Variants in VWA8 observed in about 807,000 individuals in gnomAD.
The protein encoded by VWA8 is von Willebrand factor A domain-containing protein 8.
In VWA8, 221 loss-of-function variants were observed where a neutral mutation model predicts 241.5. The observed-to-expected ratio is 0.91, with a 90% CI of 0.82 to 1.02. The LOEUF is 1.02. Among genes scored for constraint, VWA8 ranks in the 50% least tolerant of loss-of-function variants. VWA8 has a pLI of 0.00. For missense variants in VWA8, 2,322 were observed against 2,328.7 expected (o/e 1.00, Z 0.06); for synonymous variants, 852 against 827.1 (o/e 1.03, Z -0.52).
chr13:41,700,382 C>T (rs1278367509), intron 28 of VWA8, among the ~76,000 whole-genome samples: 1 of 151,842 alleles, frequency 6.6e-6, no homozygotes, highest in Non-Finnish European at 1.5e-5. Context: ...AACAGAAGGA[C>T]TGAAAAAGAC....
chr13:41,804,503 G>GA (rs569927907), intron 17 of VWA8, among the ~76,000 whole-genome samples: 12 of 146,810 alleles, frequency 8.2e-5, no homozygotes, highest in East Asian at 3.9e-4. Context: ...TCCTACAAGG[G>GA]AAAAAAAAAG....
At chr13:41,816,639 A>G (rs1476113081) in intron 16 of VWA8, 59 bp downstream of exon 16, 20 of 1,508,006 alleles carry the variant, frequency 1.3e-5, no homozygotes, top group Non-Finnish European at 1.7e-5. Context: ...GAATTCTAAG[A>G]AAAGAAAACC....
intron 34 of VWA8, 66 bp from the exon 35 acceptor site, chr13:41,685,308 C>T (rs922675114): frequency 3.0e-5 from 44 of 1,451,746 alleles, no homozygotes; most frequent in East Asian, 4.6e-5. Context: ...ACCTTAACAA[C>T]GCAGCCCTTT....
At chr13:41,818,409 T>C (rs1870796524) in intron 15 of VWA8, among the ~76,000 whole-genome samples, 1 of 151,436 alleles carries the variant, frequency 6.6e-6, no homozygotes, top group Non-Finnish European at 1.5e-5. Flanking sequence ...CCGTCTCTAC[T>C]AAAAATAGAA....
At chr13:41,586,336 C>A (rs1189246975) in intron 42 of VWA8, among the ~76,000 whole-genome samples, 1 of 152,140 alleles carries the variant, frequency 6.6e-6, no homozygotes, top group African/African-American at 2.4e-5. Context: ...TTAAGCAGCT[C>A]CATGGCTTTC....
chr13:41,799,414 G>C (rs1009305814), intron 17 of VWA8, among the ~76,000 whole-genome samples: 2 of 152,258 alleles, frequency 1.3e-5, no homozygotes, highest in Non-Finnish European at 2.9e-5. Context: ...ACCTGCACCT[G>C]AGCAATGTGG....
At chr13:41,958,664 T>A (rs1593898059) in intron 1 of VWA8, among the ~76,000 whole-genome samples, 1 of 152,306 alleles carries the variant, frequency 6.6e-6, no homozygotes, top group Non-Finnish European at 1.5e-5. Flanking sequence ...TGCTGTCCAT[T>A]TACCTGGCTC....
chr13:41,689,917 C>A (rs1387724436), intron 33 of VWA8, among the ~76,000 whole-genome samples: 1 of 151,900 alleles, frequency 6.6e-6, no homozygotes, highest in Non-Finnish European at 1.5e-5. Context: ...AGACTTGCAA[C>A]CTAAATGTAT....
chr13:41,839,077 C>T (rs1212811278), intron 12 of VWA8, among the ~76,000 whole-genome samples: 1 of 152,190 alleles, frequency 6.6e-6, no homozygotes, highest in Non-Finnish European at 1.5e-5. Flanking sequence ...GCCACACTGT[C>T]TTCCACAATG....
chr13:41,946,417 C>A (rs893669139), intron 2 of VWA8, among the ~76,000 whole-genome samples: 4 of 152,030 alleles, frequency 2.6e-5, no homozygotes, highest in South Asian at 2.1e-4. Flanking sequence ...TAACTCTTTT[C>A]TTCTACCTGA....
At chr13:41,728,341 G>A (rs1283256287) in intron 23 of VWA8, among the ~76,000 whole-genome samples, 1 of 151,936 alleles carries the variant, frequency 6.6e-6, no homozygotes, top group Non-Finnish European at 1.5e-5. Flanking sequence ...AATTTAAAAA[G>A]TAAAGAAAAT....
At chr13:41,850,002 C>A (rs895602629) in intron 12 of VWA8, among the ~76,000 whole-genome samples, 2 of 152,172 alleles carry the variant, frequency 1.3e-5, no homozygotes, top group Non-Finnish European at 2.9e-5. Flanking sequence ...GTCCTTATGT[C>A]TGGAGTTACT....
At chr13:41,729,997 G>A (rs1262188886) in intron 22 of VWA8, among the ~76,000 whole-genome samples, 3 of 152,108 alleles carry the variant, frequency 2.0e-5, no homozygotes, top group Non-Finnish European at 4.4e-5. Context: ...CCAAGAGTAG[G>A]AGAGATGTAA....
intron 2 of VWA8, among the ~76,000 whole-genome samples, chr13:41,946,628 C>T (rs1877863020): frequency 6.6e-6 from 1 of 151,172 alleles, no homozygotes; most frequent in African/African-American, 2.4e-5. Context: ...ATTAGAATCC[C>T]TAGGATGACC....
chr13:41,918,111 T>C (rs897464698), intron 2 of VWA8, among the ~76,000 whole-genome samples: 6 of 152,214 alleles, frequency 3.9e-5, no homozygotes, highest in East Asian at 1.9e-4. Flanking sequence ...CACACAGCTA[T>C]ATTTATTAAG....
chr13:41,928,113 T>C (rs1876935262), intron 2 of VWA8, among the ~76,000 whole-genome samples: 1 of 152,170 alleles, frequency 6.6e-6, no homozygotes, highest in East Asian at 1.9e-4. Context: ...AAAGCAAATA[T>C]TAATGGACAT....
At chr13:41,816,609 A>T (rs1339186002) in intron 16 of VWA8, 89 bp downstream of exon 16, 2 of 1,311,346 alleles carry the variant, frequency 1.5e-6, no homozygotes, top group Non-Finnish European at 2.1e-6. Context: ...TACCAGCTTA[A>T]AAAATAGATT....
chr13:41,575,596 G>C (rs1450401396), intron 43 of VWA8, 144 bp downstream of exon 43: 1 of 574,196 alleles, frequency 1.7e-6, no homozygotes, highest in East Asian at 3.0e-5. Flanking sequence ...AGGCATGATG[G>C]GTGTTTTCTC....
chr13:41,790,358 G>A (rs1157239396), intron 17 of VWA8, among the ~76,000 whole-genome samples: 1 of 151,956 alleles, frequency 6.6e-6, no homozygotes, highest in African/African-American at 2.4e-5. Flanking sequence ...CTTAAACAGT[G>A]AAAATTTTAT....
Sources: allele counts gnomAD v4.1 joint callset (sites outside exome capture counted in the v4.1 genomes callset), GRCh38; gene constraint gnomAD v4.1.1; transcripts MANE v1.5; gene names NCBI Gene and HGNC (gene_info 2026-07-23, HGNC 2026-07-21).